GYS2: variants seen among roughly 807,000 people sequenced by gnomAD.
GYS2 encodes glycogen synthase 2.
In GYS2, 80 loss-of-function variants were observed where a neutral mutation model predicts 85.6. The observed-to-expected ratio is 0.93, with a 90% CI of 0.78 to 1.13. GYS2 has a LOEUF of 1.13. Among genes scored for constraint, GYS2 ranks in the 50% most tolerant of loss-of-function variants. GYS2 has a pLI of 0.00. For missense variants in GYS2, 881 were observed against 854.9 expected, an observed-to-expected ratio of 1.03 and a Z score of -0.38; for synonymous variants, 328 against 300.7, an observed-to-expected ratio of 1.09 and a Z score of -0.94.
chr12:21,541,268 C>A (rs1261122481), intron 13 of GYS2, among the ~76,000 whole-genome samples: 16 of 46,356 alleles, frequency 3.5e-4, no homozygotes, highest in African/African-American at 9.9e-4. Flanking sequence ...ACCATGTTTC[C>A]AAAAAAAAAA....
chr12:21,533,432 G>T (rs1943883284), downstream of GYS2, among the ~76,000 whole-genome samples: 1 of 152,176 alleles, frequency 6.6e-6, no homozygotes, highest in South Asian at 2.1e-4. Flanking sequence ...CACAAAGAAA[G>T]GGAAGTTGGG....
At chr12:21,557,549 A>T (rs1944195329) in intron 11 of GYS2, among the ~76,000 whole-genome samples, 1 of 152,246 alleles carries the variant, frequency 6.6e-6, no homozygotes, top group African/African-American at 2.4e-5. Context: ...TATCCATGTT[A>T]ATATCAACGA....
intron 1 of GYS2, among the ~76,000 whole-genome samples, chr12:21,598,907 A>G (rs998768689): frequency 6.6e-6 from 1 of 152,078 alleles, no homozygotes; most frequent in Admixed American, 6.6e-5. Context: ...CACAACTTTC[A>G]CCTGAAAGAA....
intron 4 of GYS2, among the ~76,000 whole-genome samples, chr12:21,573,018 T>C (rs1180481053): frequency 6.6e-6 from 1 of 152,196 alleles, no homozygotes; most frequent in Non-Finnish European, 1.5e-5. Context: ...CCCCAGGCTT[T>C]CTGAATTCCT....
chr12:21,553,824 GCTT>G (rs1335049780), intron 11 of GYS2, among the ~76,000 whole-genome samples: 1 of 127,502 alleles, frequency 7.8e-6, no homozygotes, highest in Non-Finnish European at 1.8e-5. Context: ...CATAAAATAG[GCTT>G]CTTTTGTATT....
At chr12:21,596,260 C>T (rs186806309) in intron 1 of GYS2, among the ~76,000 whole-genome samples, 9 of 152,096 alleles carry the variant, frequency 5.9e-5, no homozygotes, top group African/African-American at 2.2e-4. Context: ...TTCTATGAAG[C>T]CAGCATCACA....
chr12:21,545,494 A>C, intron 12 of GYS2, among the ~76,000 whole-genome samples: 1 of 152,218 alleles, frequency 6.6e-6, no homozygotes, highest in Non-Finnish European at 1.5e-5. Context: ...TGGGCAGAAA[A>C]ATATCTGATT....
rs116799839 is a variant in GYS2, at chr12:21,600,877, C to T, written c.121+3595G>A. Among the ~76,000 whole-genome samples, 388 of 152,162 alleles carry T rather than the reference C, an allele frequency of 2.5e-3. 3 individuals carry two copies. The highest frequency in any genetic ancestry group is 8.9e-3 in the African/African-American group (371 of 41,534). Reference sequence around the variant, plus strand: ...TGAATTCTTCCCTGTGCCACTTGTACCATGTAATTCAGAGGTGTAGTGTCA... The same window carrying T: ...TGAATTCTTCCCTGTGCCACTTGTATCATGTAATTCAGAGGTGTAGTGTCA... On this transcript the variant is annotated intron_variant, in intron 1 of 15. Coordinates refer to ENST00000261195, the MANE Select transcript of GYS2 (RefSeq NM_021957.4).
At chr12:21,534,397 G>A (rs762329025), downstream of GYS2, among the ~76,000 whole-genome samples, 60 of 152,174 alleles carry the variant, frequency 3.9e-4, no homozygotes, top group Admixed American at 2.1e-3. Context: ...CATGCCTGTG[G>A]TCTGAGATAC....
intron 7 of GYS2, among the ~76,000 whole-genome samples, chr12:21,562,647 AGAATG>A: frequency 1.7e-4 from 2 of 11,628 alleles, no homozygotes; most frequent in African/African-American, 4.1e-4. Flanking sequence ...ATAGAAGGGG[AGAATG>A]GGATAAGCTT....
At chr12:21,574,067 A>G in intron 4 of GYS2, 77 bp downstream of exon 4, 5 of 1,145,074 alleles carry the variant, frequency 4.4e-6, no homozygotes, top group Non-Finnish European at 5.3e-6. Context: ...GATGAAATGT[A>G]CAGATCAATA....
At chr12:21,575,756 A>G (rs1276001916) in intron 3 of GYS2, 110 bp downstream of exon 3, 5 of 849,518 alleles carry the variant, frequency 5.9e-6, no homozygotes, top group African/African-American at 3.3e-5. Flanking sequence ...AGGACAAGCC[A>G]TAATGGCATC....
intron 1 of GYS2, among the ~76,000 whole-genome samples, chr12:21,589,040 G>A (rs541930469): frequency 5.3e-5 from 8 of 152,214 alleles, no homozygotes; most frequent in Non-Finnish European, 1.2e-4. Context: ...TCTTTTCCAG[G>A]AGAATATACC....
intron 13 of GYS2, among the ~76,000 whole-genome samples, chr12:21,542,051 A>AC (rs1482443818): frequency 9.8e-6 from 1 of 102,138 alleles, no homozygotes; most frequent in Non-Finnish European, 2.4e-5. Context: ...TTATAAATCT[A>AC]CTTTTTTTTT....
chr12:21,604,644 A>G lies in GYS2; in HGVS notation c.-52T>C, dbSNP rs1944787629. The G allele has an allele frequency of 6.2e-7, 1 of 1,609,098 alleles. No individual in the cohort carries two copies. Among genetic ancestry groups the G allele is most frequent in the African/African-American group, 1.3e-5 (1 of 74,758 alleles). On this transcript the variant is annotated 5_prime_UTR_variant, in exon 1 of 16. Transcript: ENST00000261195. ...TTGAATTCCTGTTTCAATTAGTTGT[A>G]ATCCCAGGAGAAGAGAACTTACAGG...
intron 5 of GYS2, among the ~76,000 whole-genome samples, chr12:21,566,765 T>C (rs1370053584): frequency 1.3e-5 from 2 of 152,206 alleles, no homozygotes; most frequent in African/African-American, 4.8e-5. Flanking sequence ...GTAACTTTTA[T>C]AATGTCACAC....
intron 11 of GYS2, among the ~76,000 whole-genome samples, chr12:21,556,777 C>T (rs549030205): frequency 6.6e-6 from 1 of 152,324 alleles, no homozygotes; most frequent in Non-Finnish European, 1.5e-5. Context: ...TTCTTACTCC[C>T]AGTATCCATC....
At chr12:21,537,292 G>A (rs1485149953) in intron 15 of GYS2, 117 bp from the exon 16 acceptor site, 14 of 757,480 alleles carry the variant, frequency 1.8e-5, no homozygotes, top group Admixed American at 1.0e-4. Context: ...TGTAGTCTGG[G>A]TGCTATTAAA....
chr12:21,546,156 C>T (rs141818769), intron 12 of GYS2, among the ~76,000 whole-genome samples, 188 bp downstream of exon 12: 10 of 152,068 alleles, frequency 6.6e-5, no homozygotes, highest in Non-Finnish European at 1.5e-4. Flanking sequence ...AATCTTCATC[C>T]TTATTCTTAA....
Sources: gnomAD v4.1 joint callset for allele counts (sites outside exome capture counted in the v4.1 genomes callset) on GRCh38, gnomAD v4.1.1 for gene constraint, MANE v1.5 for transcripts, NCBI Gene and HGNC (gene_info 2026-07-23, HGNC 2026-07-21) for gene names.